Variants in DGKI observed in about 807,000 individuals in gnomAD.
DGKI encodes the protein diacylglycerol kinase iota.
DGKI carries 55 observed loss-of-function variants against 147.5 expected under a neutral mutation model. The observed-to-expected ratio is 0.37, with a 90% CI of 0.30 to 0.47. DGKI has a LOEUF of 0.47. Among genes scored for constraint, DGKI ranks in the 20% least tolerant of loss-of-function variants. The pLI, the probability that DGKI is intolerant of heterozygous loss-of-function variation, is 1.00. For missense variants in DGKI, 1,007 were observed against 1,323.8 expected, an observed-to-expected ratio of 0.76 and a Z score of 3.71; for synonymous variants, 469 against 477.1, an observed-to-expected ratio of 0.98 and a Z score of 0.22.
intron 6 of DGKI, among the ~76,000 whole-genome samples, chr7:137,628,105 G>A (rs1821006147): frequency 6.6e-6 from 1 of 152,154 alleles, no homozygotes; most frequent in Non-Finnish European, 1.5e-5. Flanking sequence ...GCTTTCTGGT[G>A]TCTAATATGT....
At chr7:137,497,266 G>T (rs141588443) in intron 21 of DGKI, among the ~76,000 whole-genome samples, 1 of 152,050 alleles carries the variant, frequency 6.6e-6, no homozygotes, top group South Asian at 2.1e-4. Context: ...CAGTCAAATC[G>T]CTATTATTAA....
intron 1 of DGKI, among the ~76,000 whole-genome samples, chr7:137,748,555 C>A (rs939776767): frequency 6.6e-6 from 1 of 152,138 alleles, no homozygotes; most frequent in Non-Finnish European, 1.5e-5. Flanking sequence ...TTGACACAGG[C>A]ACAGAGCATA....
intron 19 of DGKI, 37 bp downstream of exon 19, chr7:137,571,138 A>T: frequency 1.4e-6 from 2 of 1,475,122 alleles, no homozygotes; most frequent in Non-Finnish European, 1.8e-6. Flanking sequence ...TGTGACTAAA[A>T]TACATTTCAT....
intron 1 of DGKI, among the ~76,000 whole-genome samples, chr7:137,797,664 A>C (rs910037876): frequency 6.6e-6 from 1 of 152,152 alleles, no homozygotes; most frequent in African/African-American, 2.4e-5. Flanking sequence ...TAATAAAGTA[A>C]CTCAAAAATA....
At chr7:137,632,640 C>T (rs1392404435) in intron 6 of DGKI, among the ~76,000 whole-genome samples, 7 of 151,978 alleles carry the variant, frequency 4.6e-5, no homozygotes, top group African/African-American at 9.7e-5. Context: ...GGGCAGATCA[C>T]GAGGTCAGGA....
At chr7:137,736,063 C>T (rs1161016164) in intron 1 of DGKI, among the ~76,000 whole-genome samples, 1 of 152,094 alleles carries the variant, frequency 6.6e-6, no homozygotes, top group Non-Finnish European at 1.5e-5. Flanking sequence ...TAGAAAGCCA[C>T]TCAACATTGG....
intron 19 of DGKI, among the ~76,000 whole-genome samples, chr7:137,559,713 G>GAA (rs555310214): frequency 1.4e-5 from 2 of 141,530 alleles, no homozygotes; most frequent in Non-Finnish European, 3.1e-5. Context: ...TGAGAAGCAG[G>GAA]AAAAAAAAAA....
At chr7:137,796,822 G>A (rs1797048857) in intron 1 of DGKI, among the ~76,000 whole-genome samples, 1 of 152,142 alleles carries the variant, frequency 6.6e-6, no homozygotes, top group African/African-American at 2.4e-5. Flanking sequence ...TGTGGGACAT[G>A]AGCCAGCATA....
At chr7:137,784,314 T>C (rs1796603418) in intron 1 of DGKI, among the ~76,000 whole-genome samples, 1 of 152,104 alleles carries the variant, frequency 6.6e-6, no homozygotes, top group Non-Finnish European at 1.5e-5. Flanking sequence ...AATCCAGCAG[T>C]AGTAGCAATT....
At chr7:137,683,409 T>C (rs1334434409) in intron 2 of DGKI, among the ~76,000 whole-genome samples, 1 of 152,114 alleles carries the variant, frequency 6.6e-6, no homozygotes, top group Non-Finnish European at 1.5e-5. Flanking sequence ...AGGGCCTTGC[T>C]CTGTTGCCCA....
chr7:137,800,841 T>C (rs1410148572), intron 1 of DGKI, among the ~76,000 whole-genome samples: 1 of 152,188 alleles, frequency 6.6e-6, no homozygotes, highest in Non-Finnish European at 1.5e-5. Context: ...CTCCATCCAA[T>C]GCTCATGATG....
At chr7:137,578,878 TA>T (rs527626075) in intron 15 of DGKI, among the ~76,000 whole-genome samples, 215 of 152,290 alleles carry the variant, frequency 1.4e-3, no homozygotes, top group African/African-American at 4.9e-3. Context: ...GTGTTTGGAA[TA>T]AAGTAGATAT....
chr7:137,618,151 A>ATATATATATATTT, intron 8 of DGKI, among the ~76,000 whole-genome samples: 19 of 10,456 alleles, frequency 1.8e-3, no homozygotes, highest in East Asian at 7.4e-3. Context: ...ATATATATAT[A>ATATATATATATTT]TTTTTTTTTT....
intron 28 of DGKI, among the ~76,000 whole-genome samples, chr7:137,443,083 T>C (rs1027493603): frequency 2.6e-5 from 4 of 152,064 alleles, no homozygotes; most frequent in African/African-American, 7.2e-5. Context: ...GAATTAGATG[T>C]ATTGTCACAT....
intron 1 of DGKI, among the ~76,000 whole-genome samples, chr7:137,713,328 A>G (rs1794274770): frequency 6.6e-6 from 1 of 152,176 alleles, no homozygotes; most frequent in Admixed American, 6.5e-5. Context: ...AACATTTGTG[A>G]TTTGGCCTAA....
At chr7:137,536,670 G>A (rs1681856391) in intron 20 of DGKI, among the ~76,000 whole-genome samples, 1 of 152,180 alleles carries the variant, frequency 6.6e-6, no homozygotes, top group Non-Finnish European at 1.5e-5. Flanking sequence ...AAATGCAAAA[G>A]GTTAATACAT....
intron 20 of DGKI, among the ~76,000 whole-genome samples, chr7:137,527,069 T>C (rs984611087): frequency 4.6e-5 from 7 of 152,148 alleles, no homozygotes; most frequent in African/African-American, 1.4e-4. Flanking sequence ...GCAAGACGTA[T>C]GGTCAAAAAA....
At chr7:137,842,008 A>G (rs1798558464) in intron 1 of DGKI, among the ~76,000 whole-genome samples, 1 of 152,236 alleles carries the variant, frequency 6.6e-6, no homozygotes, top group East Asian at 1.9e-4. Flanking sequence ...TTGAATTGAA[A>G]TCTTGCCCAG....
At chr7:137,472,345 T>TAATTATATGTATATACATTAAA (rs1563040195) in intron 23 of DGKI, among the ~76,000 whole-genome samples, 1,133 of 54,076 alleles carry the variant, frequency 0.021, 11 homozygotes, top group African/African-American at 0.14. Context: ...ATACATATAA[T>TAATTATATGTATATACATTAAA]TATTATATGT....
Sources: allele counts gnomAD v4.1 joint callset (sites outside exome capture counted in the v4.1 genomes callset), GRCh38; gene constraint gnomAD v4.1.1; transcripts MANE v1.5; gene names NCBI Gene and HGNC (gene_info 2026-07-23, HGNC 2026-07-21).